NEO1: variants seen among roughly 807,000 people sequenced by gnomAD.
NEO1 encodes neogenin 1.
NEO1 carries 63 observed loss-of-function variants against 159.7 expected under a neutral mutation model. That is an observed-to-expected ratio of 0.39 (90% CI 0.32 to 0.49). NEO1 has a LOEUF of 0.49. Among genes scored for constraint, NEO1 ranks in the 20% least tolerant of loss-of-function variants. NEO1 has a pLI of 0.85. For missense variants in NEO1, 1,615 were observed against 1,831.0 expected, an observed-to-expected ratio of 0.88 and a Z score of 2.15; for synonymous variants, 633 against 662.0, an observed-to-expected ratio of 0.96 and a Z score of 0.67.
intron 4 of NEO1, among the ~76,000 whole-genome samples, chr15:73,134,865 A>G (rs2031571126): frequency 6.6e-6 from 1 of 152,188 alleles, no homozygotes; most frequent in Non-Finnish European, 1.5e-5. Flanking sequence ...AACGTTTTTT[A>G]ATTGATCCAT....
chr15:73,219,811 G>A (rs1233285146), intron 7 of NEO1, among the ~76,000 whole-genome samples: 4 of 142,668 alleles, frequency 2.8e-5, no homozygotes, highest in Admixed American at 7.1e-5. Context: ...TTGAGCCTAT[G>A]TGTGTCTCTG....
Position 73,176,403 on chromosome 15 carries a change from C to G in NEO1, c.1016C>G (p.Ala339Gly). 6.5e-7 allele frequency: 1 copy of G among 1,530,156 alleles called. No homozygotes were observed. Among genetic ancestry groups the G allele is most frequent in the East Asian group, 2.4e-5 (1 of 42,146 alleles). The allele number at this position is 1,530,156 out of a possible 1,614,324, so 94.8% of individuals were successfully genotyped here. A position where few individuals can be genotyped will look rare whatever the true frequency, so the allele number is the denominator to read the frequency against. ...IEAQAELTVQ[A>G]QPEFLKQPTN... ...TCTTAATTTCCTTTTTATTTTAAAG[C>G]TCAACCTGAATTCCTGAAGCAGCCT... The change falls in exon 6 of 29, where the codon GCT (alanine) becomes GGT (glycine). Residue 339 changes from alanine (A) to glycine (G), a missense_variant and splice_region_variant. This residue lies in a region of NEO1 where 1,018 missense variants were observed against 1,115.4 expected (regional missense o/e 0.91). Coordinates refer to ENST00000261908, the MANE Select transcript of NEO1 (RefSeq NM_002499.4).
At chr15:73,133,795 T>G (rs964211563) in intron 4 of NEO1, among the ~76,000 whole-genome samples, 3 of 152,214 alleles carry the variant, frequency 2.0e-5, no homozygotes, top group African/African-American at 7.2e-5. Flanking sequence ...TTGAATGAAT[T>G]AATTCTGCCA....
At chr15:73,176,704 T>C in intron 6 of NEO1, 147 bp downstream of exon 6, 1 of 570,218 alleles carries the variant, frequency 1.8e-6, no homozygotes, top group Non-Finnish European at 2.8e-6. Flanking sequence ...ATACCTTCAT[T>C]GGCTGATGAG....
At chr15:73,176,797 T>C (rs1014628697) in intron 6 of NEO1, among the ~76,000 whole-genome samples, 1 of 152,188 alleles carries the variant, frequency 6.6e-6, no homozygotes, top group Non-Finnish European at 1.5e-5. Context: ...GAGTCTAGAC[T>C]CTTACTTGAA....
At chr15:73,244,323 C>T (rs897230705) in intron 8 of NEO1, 21 bp from the exon 9 acceptor site, 5 of 1,606,118 alleles carry the variant, frequency 3.1e-6, no homozygotes, top group Admixed American at 1.7e-5. Context: ...TGCTATCTCT[C>T]TCCAAATCCT....
intron 7 of NEO1, among the ~76,000 whole-genome samples, chr15:73,216,620 C>T (rs999361247): frequency 6.6e-6 from 1 of 152,120 alleles, no homozygotes; most frequent in Non-Finnish European, 1.5e-5. Context: ...TTAATGATTG[C>T]CATTCTAACT....
chr15:73,059,431 T>A (rs2151233887), intron 1 of NEO1, among the ~76,000 whole-genome samples: 1 of 152,298 alleles, frequency 6.6e-6, no homozygotes, highest in Admixed American at 6.5e-5. Context: ...ATTTAACTTT[T>A]TATTAAGTCA....
chr15:73,301,602 C>T (rs2042618148), intron 28 of NEO1, 145 bp downstream of exon 28: 2 of 1,055,086 alleles, frequency 1.9e-6, no homozygotes, highest in Non-Finnish European at 2.7e-6. Flanking sequence ...TCAGTAGATA[C>T]AGTGTTGAGC....
chr15:73,202,702 C>A (rs1254337087), intron 7 of NEO1, among the ~76,000 whole-genome samples: 1 of 152,160 alleles, frequency 6.6e-6, no homozygotes, highest in East Asian at 1.9e-4. Flanking sequence ...GCATTAAGTG[C>A]ATTCATTCTG....
chr15:73,130,313 C>A (rs1025924693), intron 4 of NEO1, among the ~76,000 whole-genome samples: 1 of 149,408 alleles, frequency 6.7e-6, no homozygotes, highest in Non-Finnish European at 1.5e-5. Context: ...TTCCCGCCCC[C>A]CCCGCCGCAT....
intron 13 of NEO1, among the ~76,000 whole-genome samples, chr15:73,257,525 C>T (rs1464689304): frequency 6.6e-6 from 1 of 152,068 alleles, no homozygotes; most frequent in African/African-American, 2.4e-5. Context: ...AACTTGAAGC[C>T]TGATAAGTAT....
intron 5 of NEO1, among the ~76,000 whole-genome samples, chr15:73,170,332 A>T (rs1176861877): frequency 2.6e-5 from 4 of 152,200 alleles, no homozygotes; most frequent in Admixed American, 6.5e-5. Flanking sequence ...GGCTTGAGAT[A>T]CAGATGTAAA....
chr15:73,090,256 G>A (rs967271909), intron 1 of NEO1, among the ~76,000 whole-genome samples: 1 of 151,970 alleles, frequency 6.6e-6, no homozygotes, highest in Non-Finnish European at 1.5e-5. Flanking sequence ...GTGCAGTAGC[G>A]CAATCTTGGC....
chr15:73,260,404 C>A lies in NEO1; in HGVS notation c.2337C>A (p.Ser779Arg). ...RGYAIGYGIGSPHAQTIKVDY... is the reference protein window; with the variant it reads ...RGYAIGYGIGRPHAQTIKVDY... Reference sequence around the variant, plus strand: ...ACGCCATTGGTTATGGCATTGGCAGCCCTCATGCCCAGACCATCAAAGTGG... The same window carrying A: ...ACGCCATTGGTTATGGCATTGGCAGACCTCATGCCCAGACCATCAAAGTGG... The change falls in exon 15 of 29, where the codon AGC (serine) becomes AGA (arginine). Residue 779 changes from serine to arginine, a missense_variant. By Grantham distance (110) the Ser-to-Arg change is moderately radical. Around this residue, in one of 3 missense-constraint regions of NEO1, gnomAD observed 1,018 missense variants for 1,115.4 expected, o/e 0.91. Transcript: ENST00000261908. 6.2e-7 allele frequency: 1 copy of A among 1,613,926 alleles called. No homozygotes were observed. The highest frequency in any genetic ancestry group is 8.5e-7 in the Non-Finnish European group (1 of 1,179,932).
In NEO1 at chr15:73,099,532, G is replaced by A. The variant is rs1385025807; in HGVS notation, c.131-17008G>A. 2.0e-5 allele frequency among the ~76,000 whole-genome samples: 3 copies of A among 152,124 alleles called. No individual in the cohort carries two copies. In the East Asian group the frequency reaches 5.8e-4, roughly 29 times the overall value. ...TGATAATATAAGATTCATTATTAAG[G>A]ATTTTTAATCTTGTGTTCTTTTCCT... On this transcript the variant is annotated intron_variant, in intron 1 of 28. Transcript: ENST00000261908.
chr15:73,161,173 C>T (rs2034147326), intron 5 of NEO1, among the ~76,000 whole-genome samples: 1 of 152,232 alleles, frequency 6.6e-6, no homozygotes, highest in South Asian at 2.1e-4. Flanking sequence ...ACTTAGTCCT[C>T]CCTCCAAGAT....
chr15:73,071,219 A>G (rs1009909886), intron 1 of NEO1, among the ~76,000 whole-genome samples: 2 of 152,130 alleles, frequency 1.3e-5, no homozygotes, highest in Non-Finnish European at 1.5e-5. Flanking sequence ...AAGTGCAGGC[A>G]TGAACCATCG....
intron 21 of NEO1, among the ~76,000 whole-genome samples, chr15:73,275,885 C>G (rs2041396187): frequency 6.6e-6 from 1 of 152,242 alleles, no homozygotes; most frequent in South Asian, 2.1e-4. Context: ...TTATTGCTCT[C>G]TTGGTTTAAG....
Sources: gnomAD v4.1 joint callset for allele counts (sites outside exome capture counted in the v4.1 genomes callset) on GRCh38, gnomAD v4.1.1 for gene constraint, gnomAD v4.1.1 regional missense constraint, MANE v1.5 for transcripts, NCBI Gene and HGNC (gene_info 2026-07-23, HGNC 2026-07-21) for gene names.